The following SAMD5 variants were observed in gnomAD, a reference collection of about 807,000 sequenced individuals.
The protein encoded by SAMD5 is sterile alpha motif domain containing 5.
Under a neutral mutation model 11.3 loss-of-function variants are expected in SAMD5, and 13 were observed. The observed-to-expected ratio is 1.15, with a 90% CI of 0.75 to 1.83. The LOEUF is 1.83. SAMD5 is among the 40% of genes most tolerant of loss of function. The probability of loss-of-function intolerance (pLI) is 0.00; values close to 1 mark genes in which losing one functional copy is unlikely to be tolerated. For missense variants in SAMD5, 255 were observed against 239.1 expected (o/e 1.07, Z -0.44); for synonymous variants, 129 against 111.3 (o/e 1.16, Z -1.00).
At chr6:147,942,782 C>T in the SAMD5 span, among the ~76,000 whole-genome samples, 13 of 150,028 alleles carry the variant, frequency 8.7e-5, no homozygotes, top group Middle Eastern at 3.2e-3. Flanking sequence ...AATAGCACAA[C>T]AGGAAAAATG....
At chr6:147,807,810 T>C in the SAMD5 span, among the ~76,000 whole-genome samples, 4 of 152,246 alleles carry the variant, frequency 2.6e-5, no homozygotes, top group African/African-American at 9.6e-5. Context: ...CATAAGGGCA[T>C]GTGTATCCAA....
chr6:147,752,521 A>T, the SAMD5 span, among the ~76,000 whole-genome samples: 1 of 152,276 alleles, frequency 6.6e-6, no homozygotes, highest in South Asian at 2.1e-4. Context: ...TCTGGTATTG[A>T]TAGAGATATT....
the SAMD5 span, among the ~76,000 whole-genome samples, chr6:147,869,214 G>C: frequency 6.6e-6 from 1 of 152,196 alleles, no homozygotes; most frequent in African/African-American, 2.4e-5. Flanking sequence ...CTCTAAATGA[G>C]GCACGAGTGT....
the SAMD5 span, among the ~76,000 whole-genome samples, chr6:147,834,717 G>A: frequency 3.9e-5 from 6 of 152,086 alleles, no homozygotes; most frequent in African/African-American, 1.2e-4. Context: ...TTGGCCTCTC[G>A]GATTGTGCTT....
At chr6:147,924,668 T>A in the SAMD5 span, among the ~76,000 whole-genome samples, 16 of 151,692 alleles carry the variant, frequency 1.1e-4, no homozygotes, top group African/African-American at 3.6e-4. Context: ...AAAACTAATA[T>A]ATAAATAAAC....
At chr6:147,556,218 G>A (rs555092940) in intron 1 of SAMD5, among the ~76,000 whole-genome samples, 14 of 151,166 alleles carry the variant, frequency 9.3e-5, no homozygotes, top group African/African-American at 1.2e-4. Context: ...TCAGCCTCCC[G>A]AGTAGCTGGG....
intron 1 of SAMD5, among the ~76,000 whole-genome samples, chr6:147,671,601 C>T (rs1790796171): frequency 6.6e-6 from 1 of 152,148 alleles, no homozygotes; most frequent in Non-Finnish European, 1.5e-5. Flanking sequence ...AACATTGTTT[C>T]CTAGTGGGTC....
At chr6:147,816,305 T>A in the SAMD5 span, among the ~76,000 whole-genome samples, 1,921 of 68,694 alleles carry the variant, frequency 0.028, 32 homozygotes, top group Middle Eastern at 0.037. Context: ...AAAAAAAATA[T>A]ATATATATAT....
At chr6:147,553,702 G>T (rs1330336069) in intron 1 of SAMD5, among the ~76,000 whole-genome samples, 3 of 152,072 alleles carry the variant, frequency 2.0e-5, no homozygotes, top group African/African-American at 7.2e-5. Flanking sequence ...CCTGCTTTAG[G>T]TAACACATTT....
chr6:147,793,825 T>C, the SAMD5 span, among the ~76,000 whole-genome samples: 1 of 152,210 alleles, frequency 6.6e-6, no homozygotes, highest in Non-Finnish European at 1.5e-5. Context: ...ACTGTAGCTT[T>C]ACAGTAAATC....
intron 1 of SAMD5, among the ~76,000 whole-genome samples, chr6:147,530,522 T>C (rs1788413924): frequency 6.6e-6 from 1 of 152,200 alleles, no homozygotes. Context: ...TTCCTTCCCC[T>C]CGCATCTTGG....
the SAMD5 span, among the ~76,000 whole-genome samples, chr6:147,871,521 TAAAAG>T: frequency 6.6e-6 from 1 of 152,106 alleles, no homozygotes; most frequent in Admixed American, 6.6e-5. Flanking sequence ...AGCCTCAAAA[TAAAAG>T]AAGTAAAGGA....
intron 1 of SAMD5, among the ~76,000 whole-genome samples, chr6:147,577,556 G>A (rs1312556453): frequency 5.3e-5 from 8 of 151,464 alleles, no homozygotes; most frequent in Non-Finnish European, 1.2e-4. Context: ...ATCTCTTTTA[G>A]CCTACAAATC....
the SAMD5 span, among the ~76,000 whole-genome samples, chr6:147,769,697 C>T: frequency 6.6e-6 from 1 of 152,192 alleles, no homozygotes; most frequent in African/African-American, 2.4e-5. Flanking sequence ...TAGGCTTTCA[C>T]TTACCATTGC....
At chr6:147,691,719 T>G (rs1791106215) in intron 1 of SAMD5, among the ~76,000 whole-genome samples, 1 of 152,196 alleles carries the variant, frequency 6.6e-6, no homozygotes, top group South Asian at 2.1e-4. Flanking sequence ...CCCCAGATGA[T>G]ATTTTTTGAC....
chr6:147,512,520 T>C (rs1788106157), intron 1 of SAMD5, among the ~76,000 whole-genome samples: 1 of 152,198 alleles, frequency 6.6e-6, no homozygotes, highest in African/African-American at 2.4e-5. Context: ...TTATGCGGTT[T>C]AGGGATCAGT....
the SAMD5 span, among the ~76,000 whole-genome samples, chr6:147,927,597 C>T: frequency 6.6e-6 from 1 of 152,030 alleles, no homozygotes; most frequent in East Asian, 1.9e-4. Flanking sequence ...TATTGAATCA[C>T]GTAGATATCT....
At chr6:147,526,976 T>C (rs1303356678) in intron 1 of SAMD5, among the ~76,000 whole-genome samples, 1 of 152,216 alleles carries the variant, frequency 6.6e-6, no homozygotes, top group African/African-American at 2.4e-5. Context: ...ATTTTTAACA[T>C]TTTTGGATTT....
chr6:147,570,622 G>A (rs1789122504), downstream of SAMD5, among the ~76,000 whole-genome samples: 1 of 142,746 alleles, frequency 7.0e-6, no homozygotes, highest in African/African-American at 2.9e-5. Flanking sequence ...TTATATAAAT[G>A]TCATCATGTG....
Sources: allele counts gnomAD v4.1 joint callset (sites outside exome capture counted in the v4.1 genomes callset), GRCh38; gene constraint gnomAD v4.1.1; transcripts MANE v1.5; gene names NCBI Gene and HGNC (gene_info 2026-07-23, HGNC 2026-07-21).